Variants in CSTF2 observed in about 807,000 individuals in gnomAD.
The protein encoded by CSTF2 is CF-1 64 kDa subunit.
A neutral mutation model predicts 45.4 loss-of-function variants in CSTF2; 8 were observed. The ratio of observed to expected loss-of-function variants is 0.18; its 90% CI spans 0.10 to 0.32. CSTF2 has a LOEUF of 0.32. CSTF2 is among the 10% of genes least tolerant of loss of function. The pLI, the probability that CSTF2 is intolerant of heterozygous loss-of-function variation, is 1.00. For synonymous variants in CSTF2, 155 were observed against 158.9 expected (o/e 0.98, Z 0.18); for missense variants, 253 against 477.1 (o/e 0.53, Z 4.38).
At position 100,832,774 on chromosome X, in the gene CSTF2, C is replaced by A. The variant is rs762903224; in HGVS notation, c.1072C>A (p.His358Asn). The change falls in exon 10 of 14, where the codon CAT (histidine) becomes AAT (asparagine). Residue 358 changes from histidine (H) to asparagine (N), a missense_variant. His to Asn is a moderately conservative substitution (Grantham distance 68, BLOSUM62 1). Coordinates refer to ENST00000372972, the MANE Select transcript of CSTF2 (RefSeq NM_001325.3). Reference sequence around the variant, plus strand: ...ACCTCATCAGGGTCCACCCATGCACCATGTCCCTGGCCATGAGAGCCGAGG... The same window carrying A: ...ACCTCATCAGGGTCCACCCATGCACAATGTCCCTGGCCATGAGAGCCGAGG... ...GPPHQGPPMH[H>N]VPGHESRGPP... The A allele has an allele frequency of 3.3e-6, 4 of 1,211,381 alleles. No individual in the cohort carries two copies. The highest frequency in any genetic ancestry group is 4.5e-6 in the Non-Finnish European group (4 of 895,293).
intron 8 of CSTF2, among the ~76,000 whole-genome samples, chrX:100,829,525 T>C (rs958910144): frequency 1.4e-4 from 16 of 110,955 alleles, no homozygotes; most frequent in Non-Finnish European, 2.1e-4. Flanking sequence ...CACACACACA[T>C]ATATATACAC....
In CSTF2 at chrX:100,822,407, A is replaced by G; in HGVS notation, c.294A>G (p.Lys98=). 1 of 1,211,276 alleles carries G rather than the reference A, an allele frequency of 8.3e-7. No homozygotes were observed. The highest frequency in any genetic ancestry group is 1.1e-6 in the Non-Finnish European group (1 of 895,152). Residue 98 remains lysine, a synonymous_variant, in exon 3 of 14, where the codon AAA becomes AAG. Coordinates refer to ENST00000372972, the MANE Select transcript of CSTF2 (RefSeq NM_001325.3). ...RVDNAASEKN[K]EELKSLGTGA... is the part of the protein sequence containing the mutation. ...ACAATGCTGCCAGTGAAAAGAACAA[A>G]GAAGAGCTGAAGAGTGAGTACAAAT...
chrX:100,833,285 G>C lies in CSTF2; in HGVS notation c.1313G>C (p.Arg438Pro). 1 of 1,210,171 alleles carries C rather than the reference G, an allele frequency of 8.3e-7. No individual in the cohort carries two copies. The highest frequency in any genetic ancestry group is 1.1e-6 in the Non-Finnish European group (1 of 894,840). The change falls in exon 11 of 14, where the codon CGT becomes CCT. Residue 438 changes from arginine (R) to proline (P), a missense_variant. Transcript: ENST00000372972. Reference sequence around the variant, plus strand: ...TTAGAGGCCCGTGCAATGGAGGCCCGTGCGATGGAAGCTCGTGCAATGGAG... The same window carrying C: ...TTAGAGGCCCGTGCAATGGAGGCCCCTGCGATGGAAGCTCGTGCAATGGAG... The part of the protein sequence containing the change: ...RGLEARAMEA[R>P]AMEARAMEAR...
intron 11 of CSTF2, among the ~76,000 whole-genome samples, chrX:100,836,778 C>T (rs748865597): frequency 3.2e-4 from 36 of 112,390 alleles, no homozygotes; most frequent in African/African-American, 1.2e-3. Flanking sequence ...CTATGGAAAG[C>T]TATAAACAGC....
At chrX:100,822,854 A>AG (rs1374749748) in intron 3 of CSTF2, 1 of 144,131 alleles carries the variant, frequency 6.9e-6, no homozygotes, top group Admixed American at 8.1e-5. Flanking sequence ...AAAAAAAAAA[A>AG]AAAAAAAGAA....
chrX:100,830,537 C>A (rs147957177), intron 8 of CSTF2, among the ~76,000 whole-genome samples: 196 of 111,379 alleles, frequency 1.8e-3, no homozygotes, highest in African/African-American at 6.0e-3. Flanking sequence ...AGGTGAAAAT[C>A]GAAAATGTCA....
chrX:100,839,604 T>C (rs935921208), intron 13 of CSTF2, among the ~76,000 whole-genome samples: 1 of 112,004 alleles, frequency 8.9e-6, no homozygotes, highest in African/African-American at 3.2e-5. Flanking sequence ...ATGCATCATA[T>C]ATGTATTTAG....
At chrX:100,829,167 A>G (rs1034045562) in intron 8 of CSTF2, among the ~76,000 whole-genome samples, 4 of 111,979 alleles carry the variant, frequency 3.6e-5, no homozygotes, top group African/African-American at 1.3e-4. Flanking sequence ...CTTTTGTAGC[A>G]TATGGTTTAT....
chrX:100,832,938 T>A, intron 10 of CSTF2, 29 bp downstream of exon 10: 2 of 1,159,723 alleles, frequency 1.7e-6, no homozygotes, highest in Non-Finnish European at 2.3e-6. Flanking sequence ...GCAAATGCCA[T>A]AATGAACTCA....
chrX:100,832,926 T>C lies in CSTF2; in HGVS notation c.1207+17T>C, dbSNP rs1217679198. 4.3e-6 allele frequency: 5 copies of C among 1,175,908 alleles called. No homozygotes were observed. Among genetic ancestry groups the C allele is most frequent in the Non-Finnish European group, 1.1e-6 (1 of 874,586 alleles). On this transcript the variant is annotated intron_variant, in intron 10 of 13. Coordinates refer to ENST00000372972, the MANE Select transcript of CSTF2 (RefSeq NM_001325.3). The stretch of plus-strand genomic sequence containing the variant: ...ATGGCAGAGGTAAGGGGAGATCACA[T>C]TGCAAATGCCATAATGAACTCAACT...
chrX:100,821,954 G>A lies in CSTF2; in HGVS notation c.138-297G>A, dbSNP rs745735311. Among the ~76,000 whole-genome samples the A allele has an allele frequency of 4.5e-5, 5 of 110,337 alleles. No homozygotes were observed. In the South Asian group the frequency reaches 1.2e-3, roughly 26 times the overall value. ...ACTAAAAATACAAAAATTAGCCGCC[G>A]TGGTGGCCCATGCCTGTAGTCCCAG... On this transcript the variant is annotated intron_variant, in intron 2 of 13. Transcript: ENST00000372972.
At chrX:100,821,341 T>C (rs1298776445) in intron 1 of CSTF2, among the ~76,000 whole-genome samples, 186 bp from the exon 2 acceptor site, 1 of 112,334 alleles carries the variant, frequency 8.9e-6, no homozygotes, top group African/African-American at 3.2e-5. Flanking sequence ...CATTTGAGAG[T>C]ACCTACACAT....
chrX:100,832,658 T>A, intron 9 of CSTF2, 76 bp from the exon 10 acceptor site: 2 of 931,024 alleles, frequency 2.1e-6, no homozygotes, highest in African/African-American at 1.9e-5. Flanking sequence ...TTGTTGGATG[T>A]TTACTTACTG....
intron 1 of CSTF2, chrX:100,820,754 A>C: frequency 2.2e-6 from 1 of 454,858 alleles, no homozygotes; most frequent in South Asian, 2.6e-5. Context: ...GAGAAGGCTC[A>C]CGGTAACAGC....
At chrX:100,836,413 C>T (rs1475932488) in intron 11 of CSTF2, among the ~76,000 whole-genome samples, 1 of 112,091 alleles carries the variant, frequency 8.9e-6, no homozygotes, top group Non-Finnish European at 1.9e-5. Flanking sequence ...CTTCATATTA[C>T]TGAAGTGGTA....
intron 11 of CSTF2, among the ~76,000 whole-genome samples, chrX:100,834,082 T>C (rs2084993152): frequency 8.9e-6 from 1 of 111,785 alleles, no homozygotes; most frequent in Non-Finnish European, 1.9e-5. Flanking sequence ...TCTCCTCTCT[T>C]TTATTTGGAT....
chrX:100,829,201 A>C (rs1263020408), intron 8 of CSTF2, among the ~76,000 whole-genome samples: 1 of 112,185 alleles, frequency 8.9e-6, no homozygotes, highest in Non-Finnish European at 1.9e-5. Context: ...TTAAAAAGCA[A>C]AATATTGGCC....
At position 100,841,141 on chromosome X, in the gene CSTF2, A is replaced by G. The variant is rs1277930679; in HGVS notation, c.*431A>G. 8.9e-6 allele frequency among the ~76,000 whole-genome samples: 1 copy of G among 112,458 alleles called. No individual in the cohort carries two copies. The highest frequency in any genetic ancestry group is 1.9e-5 in the Non-Finnish European group (1 of 53,335). On this transcript the variant is annotated 3_prime_UTR_variant, in exon 14 of 14. Transcript: ENST00000372972. ...CTTGGTTTTTGTTTAGTTTGCTTCC[A>G]GTAAGAATTATTATAAGGCTTTGCC...
intron 8 of CSTF2, among the ~76,000 whole-genome samples, chrX:100,828,434 C>T (rs189580324): frequency 1.8e-3 from 196 of 112,000 alleles, no homozygotes; most frequent in Non-Finnish European, 3.0e-3. Context: ...GCAAGTGGAT[C>T]GTTTGTTTCC....
Sources: allele counts gnomAD v4.1 joint callset (sites outside exome capture counted in the v4.1 genomes callset), GRCh38; gene constraint gnomAD v4.1.1; transcripts MANE v1.5; gene names NCBI Gene and HGNC (gene_info 2026-07-23, HGNC 2026-07-21).